Variants in SPIRE1 observed in about 807,000 individuals in gnomAD.
SPIRE1 encodes spire type actin nucleation factor 1.
A neutral mutation model predicts 94.1 loss-of-function variants in SPIRE1; 40 were observed. That is an observed-to-expected ratio of 0.43 (90% CI 0.33 to 0.55). The LOEUF is 0.55. SPIRE1 is among the 20% of genes least tolerant of loss of function. The probability of loss-of-function intolerance (pLI) is 0.06; values close to 1 mark genes in which losing one functional copy is unlikely to be tolerated. For synonymous variants in SPIRE1, 376 were observed against 371.7 expected, an observed-to-expected ratio of 1.01 and a Z score of -0.13; for missense variants, 838 against 975.2, an observed-to-expected ratio of 0.86 and a Z score of 1.87.
intron 6 of SPIRE1, among the ~76,000 whole-genome samples, chr18:12,503,896 C>A (rs1412696327): frequency 6.8e-6 from 1 of 147,188 alleles, no homozygotes; most frequent in African/African-American, 2.5e-5. Context: ...CCAGTTTGTG[C>A]AAGGATGTGA....
intron 10 of SPIRE1, among the ~76,000 whole-genome samples, chr18:12,475,076 G>C (rs902760353): frequency 2.6e-5 from 4 of 152,304 alleles, no homozygotes; most frequent in South Asian, 4.1e-4. Flanking sequence ...CATGCAGTAA[G>C]GAGCAGAGGT....
Position 12,454,373 on chromosome 18 carries a change from G to A in SPIRE1, c.1749C>T (p.Asp583=), listed in dbSNP as rs2031401925. 1.9e-6 allele frequency: 3 copies of A among 1,611,458 alleles called. No individual in the cohort carries two copies. Among genetic ancestry groups the A allele is most frequent in the Middle Eastern group, 1.7e-4 (1 of 6,048 alleles). The change falls in exon 13 of 17, where the codon GAC becomes GAT. Residue 583 remains aspartate, a synonymous_variant. Coordinates refer to ENST00000409402, the MANE Select transcript of SPIRE1 (RefSeq NM_001128626.2). ...AELEKYQQYK[D]IYTALKKGKL... ...TTCCTTTTTTCAAGGCGGTGTAGAT[G>A]TCTTTATACTGTTGGTATTTTTCCA...
chr18:12,513,966 C>A (rs1264472209), intron 4 of SPIRE1, among the ~76,000 whole-genome samples: 2 of 152,182 alleles, frequency 1.3e-5, no homozygotes, highest in African/African-American at 4.8e-5. Flanking sequence ...AGCTTAGCCT[C>A]CCAAGTAACT....
intron 2 of SPIRE1, among the ~76,000 whole-genome samples, chr18:12,631,626 A>C (rs2037784692): frequency 6.6e-6 from 1 of 151,672 alleles, no homozygotes; most frequent in East Asian, 1.9e-4. Flanking sequence ...CTGTAATCCC[A>C]ACACTTTGGG....
chr18:12,537,291 A>T (rs944257832), intron 3 of SPIRE1, among the ~76,000 whole-genome samples: 2 of 152,228 alleles, frequency 1.3e-5, no homozygotes, highest in African/African-American at 4.8e-5. Context: ...GTAATGAAAG[A>T]CAACAACTGA....
chr18:12,471,967 T>A lies in SPIRE1; in HGVS notation c.1405-7009A>T, dbSNP rs184706518. Among the ~76,000 whole-genome samples, 8 of 152,134 alleles carry A rather than the reference T, an allele frequency of 5.3e-5. 1 individual carries two copies. The highest frequency in any genetic ancestry group is 5.2e-4 in the Admixed American group (8 of 15,270). ...ACCGGGCTAATTTTTCTCTTTTTAG[T>A]AGAGATGGGGTTTTGCCATGTTGGC... On this transcript the variant is annotated intron_variant, in intron 10 of 16. Transcript: ENST00000409402.
chr18:12,588,408 C>A (rs948302), intron 2 of SPIRE1: 84,957 of 151,780 alleles, frequency 0.56, 24,950 homozygotes, highest in Middle Eastern at 0.75. Context: ...TTATTTACTG[C>A]TATTAAATAG....
At chr18:12,550,568 C>T (rs1363107498) in intron 2 of SPIRE1, among the ~76,000 whole-genome samples, 2 of 151,996 alleles carry the variant, frequency 1.3e-5, no homozygotes, top group Admixed American at 6.6e-5. Flanking sequence ...TGCTATGTTG[C>T]GCAGGCTAGT....
chr18:12,551,989 A>G (rs978860806), intron 2 of SPIRE1, among the ~76,000 whole-genome samples: 21 of 152,232 alleles, frequency 1.4e-4, no homozygotes, highest in African/African-American at 4.1e-4. Context: ...AGAAAAGCAC[A>G]GCAATTGTGA....
chr18:12,555,709 T>G (rs948252262), intron 2 of SPIRE1, among the ~76,000 whole-genome samples: 4 of 152,220 alleles, frequency 2.6e-5, no homozygotes, highest in Non-Finnish European at 4.4e-5. Context: ...TCATGGCTAG[T>G]ATCATACTGA....
intron 6 of SPIRE1, among the ~76,000 whole-genome samples, chr18:12,504,415 G>A (rs1033001863): frequency 2.0e-5 from 3 of 151,906 alleles, no homozygotes; most frequent in African/African-American, 7.3e-5. Context: ...GCTGAGGCAC[G>A]AGAATCACTT....
intron 10 of SPIRE1, among the ~76,000 whole-genome samples, chr18:12,473,454 G>C (rs1053398486): frequency 6.6e-5 from 10 of 152,122 alleles, no homozygotes; most frequent in Non-Finnish European, 1.3e-4. Context: ...TAGAAAACTG[G>C]AAACAGCCTA....
At chr18:12,588,686 C>T (rs1378403120) in intron 2 of SPIRE1, among the ~76,000 whole-genome samples, 2 of 144,356 alleles carry the variant, frequency 1.4e-5, no homozygotes, top group African/African-American at 5.0e-5. Context: ...CCCTTTCTTA[C>T]ATTGCTAGTG....
At chr18:12,603,166 A>C (rs889895387) in intron 2 of SPIRE1, among the ~76,000 whole-genome samples, 1 of 152,228 alleles carries the variant, frequency 6.6e-6, no homozygotes, top group Non-Finnish European at 1.5e-5. Context: ...TGAACATTTT[A>C]TTGAATACAA....
In SPIRE1 at chr18:12,551,053, A is replaced by C. The variant is rs527451748; in HGVS notation, c.373-4149T>G. Reference sequence around the variant, plus strand: ...CGATATTTCCTTAACTTATATTACTAATCTACAGTTTGTCTCTGGGATGCA... The same window carrying C: ...CGATATTTCCTTAACTTATATTACTCATCTACAGTTTGTCTCTGGGATGCA... On this transcript the variant is annotated intron_variant, in intron 2 of 16. Coordinates refer to ENST00000409402, the MANE Select transcript of SPIRE1 (RefSeq NM_001128626.2). Among the ~76,000 whole-genome samples the C allele has an allele frequency of 5.3e-5, 8 of 152,316 alleles. 2 individuals carry two copies. In the South Asian group the frequency reaches 1.7e-3, roughly 32 times the overall value.
Position 12,449,417 on chromosome 18 carries a change from TCC to T in SPIRE1, c.*219_*220del. ...CACAAAAGTAAGTTTCAAACTGTTG[TCC>T]TCTCTCAGTGCAAACGAGCAATTGG... is the stretch of plus-strand genomic sequence containing the variant. On this transcript the variant is annotated 3_prime_UTR_variant, in exon 17 of 17. Transcript: ENST00000409402. 1 of 570,156 alleles carries T rather than the reference TCC, an allele frequency of 1.8e-6. No homozygotes were observed. Among genetic ancestry groups the T allele is most frequent in the Non-Finnish European group, 3.1e-6 (1 of 323,444 alleles). 35.3% of individuals were successfully genotyped at this position (570,156 alleles called of 1,614,324 possible). A position where few individuals can be genotyped will look rare whatever the true frequency, so the allele number is the denominator to read the frequency against.
At chr18:12,454,824 T>A (rs973951528) in intron 12 of SPIRE1, among the ~76,000 whole-genome samples, 3 of 152,178 alleles carry the variant, frequency 2.0e-5, no homozygotes, top group Non-Finnish European at 2.9e-5. Flanking sequence ...TTGAAAAAAA[T>A]TTTATTCTAA....
intron 12 of SPIRE1, chr18:12,460,034 A>G (rs2031712807): frequency 2.4e-6 from 1 of 418,804 alleles, no homozygotes; most frequent in African/African-American, 2.1e-5. Context: ...TCACAAAAGG[A>G]AAACAAAACA....
At chr18:12,636,533 T>C (rs1238190909) in intron 1 of SPIRE1, among the ~76,000 whole-genome samples, 1 of 143,082 alleles carries the variant, frequency 7.0e-6, no homozygotes, top group Non-Finnish European at 1.5e-5. Flanking sequence ...AAAACAAAAA[T>C]GAAAAAATAA....
Sources: allele counts gnomAD v4.1 joint callset (sites outside exome capture counted in the v4.1 genomes callset), GRCh38; gene constraint gnomAD v4.1.1; transcripts MANE v1.5; gene names NCBI Gene and HGNC (gene_info 2026-07-23, HGNC 2026-07-21).